The following ZNF674 variants were observed in gnomAD, a reference collection of about 807,000 sequenced individuals.
ZNF674 encodes the protein zinc finger family member 674.
In ZNF674, 2 loss-of-function variants were observed where a neutral mutation model predicts 7.0. The observed-to-expected ratio is 0.29, with a 90% CI of 0.12 to 0.90. The LOEUF is 0.90. Among genes scored for constraint, ZNF674 ranks in the 40% least tolerant of loss-of-function variants. The pLI, the probability that ZNF674 is intolerant of heterozygous loss-of-function variation, is 0.57. For synonymous variants in ZNF674, 103 were observed against 145.2 expected, an observed-to-expected ratio of 0.71 and a Z score of 2.09; for missense variants, 297 against 415.5, an observed-to-expected ratio of 0.71 and a Z score of 2.48.
At chrX:46,514,836 G>T (rs1186236822) in intron 5 of ZNF674, among the ~76,000 whole-genome samples, 107 of 112,318 alleles carry the variant, frequency 9.5e-4, no homozygotes, top group Non-Finnish European at 2.6e-4. Context: ...AGTAAAGAAA[G>T]AAAACACTGA....
chrX:46,518,904 A>G (rs1941824183), intron 5 of ZNF674, among the ~76,000 whole-genome samples: 1 of 104,916 alleles, frequency 9.5e-6, no homozygotes, highest in African/African-American at 3.5e-5. Flanking sequence ...ATAAATAAAT[A>G]AATAAATAAA....
intron 3 of ZNF674, among the ~76,000 whole-genome samples, chrX:46,534,107 A>G (rs1405006381): frequency 1.8e-5 from 2 of 108,362 alleles, no homozygotes; most frequent in Non-Finnish European, 3.8e-5. Flanking sequence ...GGGAAATGCC[A>G]GAAGCTTATA....
At chrX:46,529,135 G>A (rs1401613347) in intron 3 of ZNF674, 11 of 557,856 alleles carry the variant, frequency 2.0e-5, no homozygotes, top group Admixed American at 3.9e-5. Context: ...TGAGGGATTC[G>A]AATCCACGCA....
chrX:46,544,778 C>T (rs757434525), intron 1 of ZNF674, among the ~76,000 whole-genome samples, 167 bp from the exon 2 acceptor site: 1 of 111,924 alleles, frequency 8.9e-6, no homozygotes, highest in African/African-American at 3.3e-5. Flanking sequence ...CCTCAGTGAG[C>T]GAAACCCTGC....
At chrX:46,529,175 C>T (rs1942063734) in intron 3 of ZNF674, 1 of 412,061 alleles carries the variant, frequency 2.4e-6, no homozygotes, top group South Asian at 3.8e-5. Context: ...GCTGGCCTTT[C>T]TTTATATAAC....
chrX:46,518,639 G>C (rs1169698537), intron 5 of ZNF674, among the ~76,000 whole-genome samples: 3 of 107,417 alleles, frequency 2.8e-5, no homozygotes, highest in African/African-American at 1.0e-4. Context: ...ACTTTGAGAG[G>C]CTGAGGCGGG....
intron 5 of ZNF674, chrX:46,527,601 C>T (rs1344445763): frequency 9.0e-6 from 1 of 111,573 alleles, no homozygotes; most frequent in Non-Finnish European, 1.9e-5. Context: ...AATGTTCTCT[C>T]AAGTTTATTT....
At chrX:46,511,145 T>C (rs1015410202) in intron 5 of ZNF674, among the ~76,000 whole-genome samples, 2 of 112,288 alleles carry the variant, frequency 1.8e-5, no homozygotes, top group African/African-American at 6.5e-5. Flanking sequence ...GAATGCAATA[T>C]CATTGTATCT....
chrX:46,510,790 CAAAACA>C (rs1217350250), intron 5 of ZNF674, among the ~76,000 whole-genome samples: 1 of 110,830 alleles, frequency 9.0e-6, no homozygotes, highest in African/African-American at 3.3e-5. Context: ...GACTCTGTCT[CAAAACA>C]AAAACAAAAA....
Position 46,500,323 on chromosome X carries a change from GAA to G in ZNF674, c.1249_1250del (p.Phe417GlnfsTer11). The G allele has an allele frequency of 8.3e-7, 1 of 1,210,573 alleles. No individual in the cohort carries two copies. The highest frequency in any genetic ancestry group is 1.1e-6 in the Non-Finnish European group (1 of 894,756). ...GGACAGAGAGGTGTGACTTTCCACTGAAAGTCTTCCCACATATACTACATTCA... is the reference window on the plus strand; with the variant it reads ...GGACAGAGAGGTGTGACTTTCCACTGAGTCTTCCCACATATACTACATTCA... ...PYECSICGKT[F>X]SGKSHLSVHH... On this transcript the variant is annotated frameshift_variant, in exon 6 of 6. Transcript: ENST00000683375. LOFTEE classifies it low-confidence loss of function (END_TRUNC).
chrX:46,515,767 C>A (rs1259302765), intron 5 of ZNF674, among the ~76,000 whole-genome samples: 1 of 111,061 alleles, frequency 9.0e-6, no homozygotes, highest in Non-Finnish European at 1.9e-5. Flanking sequence ...TGCCACCATG[C>A]CCAGCTAATG....
intron 5 of ZNF674, among the ~76,000 whole-genome samples, chrX:46,526,612 TCAA>T (rs199879950): frequency 9.1e-6 from 1 of 110,421 alleles, no homozygotes; most frequent in African/African-American, 3.3e-5. Flanking sequence ...GCAAAGTAAG[TCAA>T]CAACAACAAC....
intron 3 of ZNF674, among the ~76,000 whole-genome samples, chrX:46,541,356 C>T (rs1232466078): frequency 2.3e-5 from 2 of 87,939 alleles, no homozygotes; most frequent in African/African-American, 4.2e-5. Context: ...AGTGAAACTC[C>T]GTCACAAAAA....
At chrX:46,518,778 C>T (rs1256125542) in intron 5 of ZNF674, among the ~76,000 whole-genome samples, 11 of 108,138 alleles carry the variant, frequency 1.0e-4, no homozygotes, top group Non-Finnish European at 1.5e-4. Context: ...CCCAGCTACT[C>T]GGGAGGCTGA....
At chrX:46,519,860 G>A (rs1232595263) in intron 5 of ZNF674, among the ~76,000 whole-genome samples, 1 of 111,149 alleles carries the variant, frequency 9.0e-6, no homozygotes, top group Non-Finnish European at 1.9e-5. Flanking sequence ...ACAGGTGAAC[G>A]GTTAAACAAA....
chrX:46,532,158 A>G (rs1216462223), intron 3 of ZNF674, among the ~76,000 whole-genome samples: 1 of 111,855 alleles, frequency 8.9e-6, no homozygotes, highest in East Asian at 2.8e-4. Flanking sequence ...ACAAGAGCAA[A>G]ACTCCGTCTC....
Position 46,528,419 on chromosome X carries a change from T to C in ZNF674, c.169A>G (p.Ile57Val), listed in dbSNP as rs200080402. The change falls in exon 5 of 6, where the codon ATC (isoleucine) becomes GTC (valine). Residue 57 changes from isoleucine to valine, a missense_variant. Transcript: ENST00000683375. The stretch of plus-strand genomic sequence containing the variant: ...TCGTCACCTGGTCCCAACCTGAAGA[T>C]CACATCTGGCTTCCCAACTAGATGC... ...VGHLVGKPDV[I>V]FRLGPGDESW... 16 of 1,209,318 alleles carry C rather than the reference T, an allele frequency of 1.3e-5. No homozygotes were observed. In the East Asian group the frequency reaches 4.4e-4, roughly 34 times the overall value.
chrX:46,542,916 T>C (rs1942316668), intron 2 of ZNF674, among the ~76,000 whole-genome samples: 1 of 110,839 alleles, frequency 9.0e-6, no homozygotes, highest in South Asian at 3.8e-4. Flanking sequence ...TTAAGCAATA[T>C]GTACAAATAT....
chrX:46,540,241 CT>C (rs1162306215), intron 3 of ZNF674, among the ~76,000 whole-genome samples: 1 of 105,759 alleles, frequency 9.5e-6, no homozygotes, highest in East Asian at 3.0e-4. Flanking sequence ...GAGACTCTGT[CT>C]CAAAAAAAAA....
Sources: allele counts gnomAD v4.1 joint callset (sites outside exome capture counted in the v4.1 genomes callset), GRCh38; gene constraint gnomAD v4.1.1; transcripts MANE v1.5; gene names NCBI Gene and HGNC (gene_info 2026-07-23, HGNC 2026-07-21).